Variants in NREP observed in about 807,000 individuals in gnomAD.
NREP encodes neuronal regeneration-related protein.
In NREP, 5 loss-of-function variants were observed where a neutral mutation model predicts 8.6. The ratio of observed to expected loss-of-function variants is 0.58; its 90% CI spans 0.30 to 1.22. NREP has a LOEUF of 1.22. NREP is among the 50% of genes most tolerant of loss of function. The pLI is 0.07. For synonymous variants in NREP, 27 were observed against 28.0 expected, an observed-to-expected ratio of 0.96 and a Z score of 0.11; for missense variants, 86 against 82.5, an observed-to-expected ratio of 1.04 and a Z score of -0.17.
intron 2 of NREP, among the ~76,000 whole-genome samples, chr5:111,801,295 G>A (rs1175659406): frequency 6.6e-6 from 1 of 152,190 alleles, no homozygotes; most frequent in African/African-American, 2.4e-5. Context: ...CTTACAATGT[G>A]ATTGAGAATG....
intron 2 of NREP, among the ~76,000 whole-genome samples, chr5:111,792,701 C>G (rs1316667106): frequency 1.3e-5 from 2 of 151,990 alleles, no homozygotes; most frequent in African/African-American, 4.8e-5. Flanking sequence ...AATCTTTGAG[C>G]ATCCAAAAAT....
chr5:111,732,002 G>C (rs1188227206), intron 3 of NREP: 1 of 152,068 alleles, frequency 6.6e-6, no homozygotes, highest in Non-Finnish European at 1.5e-5. Context: ...ATTTGACGAT[G>C]GTCTCTCTTT....
intron 2 of NREP, among the ~76,000 whole-genome samples, chr5:111,898,035 T>C (rs774384755): frequency 9.2e-5 from 14 of 152,200 alleles, no homozygotes; most frequent in Non-Finnish European, 1.0e-4. Flanking sequence ...GAGAGAATGA[T>C]AGGACATGAA....
intron 2 of NREP, among the ~76,000 whole-genome samples, chr5:111,811,354 T>C (rs992913685): frequency 6.6e-6 from 1 of 152,230 alleles, no homozygotes; most frequent in Non-Finnish European, 1.5e-5. Context: ...CTCGGCTTGC[T>C]AAATATTTTT....
At chr5:111,810,834 A>C (rs1056391243) in intron 2 of NREP, among the ~76,000 whole-genome samples, 14 of 152,214 alleles carry the variant, frequency 9.2e-5, no homozygotes, top group African/African-American at 3.4e-4. Context: ...TGTGAGTCCT[A>C]TAATTACTTT....
At chr5:111,801,002 A>G (rs1053087301) in intron 2 of NREP, among the ~76,000 whole-genome samples, 7 of 152,192 alleles carry the variant, frequency 4.6e-5, no homozygotes, top group Non-Finnish European at 7.3e-5. Flanking sequence ...AAAAACTTCT[A>G]TATATTTATG....
chr5:111,781,457 G>A (rs927266422), intron 2 of NREP, among the ~76,000 whole-genome samples: 1 of 152,114 alleles, frequency 6.6e-6, no homozygotes, highest in Non-Finnish European at 1.5e-5. Context: ...GCCTTCTGAC[G>A]ATTCTAGTTC....
At chr5:111,841,655 C>A (rs981982023) in intron 2 of NREP, among the ~76,000 whole-genome samples, 2 of 151,980 alleles carry the variant, frequency 1.3e-5, no homozygotes, top group African/African-American at 4.8e-5. Flanking sequence ...GTTCCCTCCT[C>A]CTTAGGGCAC....
chr5:111,938,480 C>T (rs1755742993), intron 2 of NREP, among the ~76,000 whole-genome samples: 1 of 152,006 alleles, frequency 6.6e-6, no homozygotes, highest in Admixed American at 6.6e-5. Flanking sequence ...ACTAAAATTT[C>T]AAGATTCATT....
intron 2 of NREP, among the ~76,000 whole-genome samples, chr5:111,918,164 C>G (rs1300084508): frequency 6.6e-6 from 1 of 152,146 alleles, no homozygotes; most frequent in East Asian, 1.9e-4. Context: ...TGTGAAGGAC[C>G]TCTTCAAGGA....
At chr5:111,772,696 C>G (rs1321011081) in intron 2 of NREP, among the ~76,000 whole-genome samples, 1 of 151,844 alleles carries the variant, frequency 6.6e-6, no homozygotes, top group East Asian at 1.9e-4. Flanking sequence ...CAATCACAGC[C>G]TTCGACCCGG....
At position 111,953,719 on chromosome 5, in the gene NREP, G is replaced by C. The variant is rs894792515; in HGVS notation, c.135+21555C>G. The stretch of plus-strand genomic sequence containing the variant: ...AATAGAACAGGGAACAATGAATTCT[G>C]CTTGGGAAAGAGGAGGAAAATTTCT... On this transcript the variant is annotated intron_variant, in intron 2 of 3. Coordinates refer to the NREP transcript ENST00000395634. Among the ~76,000 whole-genome samples, 25 of 152,030 alleles carry C rather than the reference G, an allele frequency of 1.6e-4. 1 individual carries two copies. The highest frequency in any genetic ancestry group is 6.0e-4 in the African/African-American group (25 of 41,396).
chr5:111,804,768 G>A (rs1400294739), intron 2 of NREP, among the ~76,000 whole-genome samples: 2 of 152,124 alleles, frequency 1.3e-5, no homozygotes, highest in South Asian at 2.1e-4. Context: ...TTGGAAGGCC[G>A]AGGCGGGCGG....
chr5:111,734,863 G>T lies in NREP; in HGVS notation c.81+567C>A, dbSNP rs1581031355. Reference sequence around the variant, plus strand: ...TAAAAACTGGTAAGTAGTTGTTATTGTTTGTTTCAGAAATTATGCTAAAAT... The same window carrying T: ...TAAAAACTGGTAAGTAGTTGTTATTTTTTGTTTCAGAAATTATGCTAAAAT... On this transcript the variant is annotated intron_variant, in intron 3 of 3. Transcript: ENST00000257435. 4 of 455,250 alleles carry T rather than the reference G, an allele frequency of 8.8e-6. No homozygotes were observed. In the East Asian group the frequency reaches 1.4e-4, roughly 15 times the overall value. The allele number at this position is 455,250 out of a possible 1,614,324, so 28.2% of individuals were successfully genotyped here. A position where few individuals can be genotyped will look rare whatever the true frequency, so the allele number is the denominator to read the frequency against.
At chr5:111,742,086 CTAAT>C in intron 2 of NREP, among the ~76,000 whole-genome samples, 1 of 152,270 alleles carries the variant, frequency 6.6e-6, no homozygotes, top group Middle Eastern at 3.4e-3. Context: ...TGATGGCTCA[CTAAT>C]TGGTTAAACC....
intron 2 of NREP, among the ~76,000 whole-genome samples, chr5:111,895,036 C>T (rs1341434463): frequency 6.6e-6 from 1 of 152,178 alleles, no homozygotes; most frequent in Non-Finnish European, 1.5e-5. Flanking sequence ...GTTACCATGC[C>T]TTTCAAAGCA....
chr5:111,832,861 G>GGGCA (rs1752806941), intron 2 of NREP, among the ~76,000 whole-genome samples: 1 of 152,036 alleles, frequency 6.6e-6, no homozygotes. Context: ...TGAACAAACG[G>GGGCA]GGCAAGTTGG....
At chr5:111,958,705 A>T (rs754293596) in intron 2 of NREP, among the ~76,000 whole-genome samples, 2 of 151,794 alleles carry the variant, frequency 1.3e-5, no homozygotes, top group African/African-American at 4.8e-5. Context: ...TTCAACATTT[A>T]AAAAAAATTC....
intron 2 of NREP, among the ~76,000 whole-genome samples, chr5:111,801,373 T>G (rs1752002807): frequency 6.6e-6 from 1 of 152,194 alleles, no homozygotes; most frequent in African/African-American, 2.4e-5. Context: ...TGCTTTAAAT[T>G]CGAAAAGAAG....
Sources: allele counts gnomAD v4.1 joint callset (sites outside exome capture counted in the v4.1 genomes callset), GRCh38; gene constraint gnomAD v4.1.1; transcripts MANE v1.5; gene names NCBI Gene and HGNC (gene_info 2026-07-23, HGNC 2026-07-21).